Variants in RIMS2 observed in about 807,000 individuals in gnomAD.
RIMS2 encodes the protein regulating synaptic membrane exocytosis 2.
A neutral mutation model predicts 174.4 loss-of-function variants in RIMS2; 59 were observed. The observed-to-expected ratio is 0.34, with a 90% CI of 0.27 to 0.42. The LOEUF is 0.42. Ranked by LOEUF, RIMS2 falls within the 10% of genes least tolerant of loss-of-function variation. RIMS2 has a pLI of 1.00. For missense variants in RIMS2, 1,620 were observed against 1,666.3 expected, an observed-to-expected ratio of 0.97 and a Z score of 0.48; for synonymous variants, 606 against 572.5, an observed-to-expected ratio of 1.06 and a Z score of -0.84.
chr8:104,100,970 G>GTATATGT lies in RIMS2; in HGVS notation c.3334+86360_3334+86361insGTTATAT, dbSNP rs1436295221. ...TATAGTATATATGATATATTATATA[G>GTATATGT]TATATATGATATATTATATAGTATA... On this transcript the variant is annotated intron_variant, in intron 19 of 23. Coordinates refer to ENST00000504942, the Ensembl canonical transcript of RIMS2. 4.1e-5 allele frequency among the ~76,000 whole-genome samples: 3 copies of GTATATGT among 72,608 alleles called. No homozygotes were observed. The East Asian group carries it at 1.9e-3, about 46-fold the overall frequency. 47.6% of individuals were successfully genotyped at this position (72,608 alleles called of 152,430 possible).
At chr8:103,692,114 C>A (rs962042903) in intron 1 of RIMS2, among the ~76,000 whole-genome samples, 2 of 152,084 alleles carry the variant, frequency 1.3e-5, no homozygotes, top group African/African-American at 4.8e-5. Flanking sequence ...GACACAAGTA[C>A]CCCTGTGGCC....
intron 3 of RIMS2, among the ~76,000 whole-genome samples, chr8:103,852,127 A>G (rs28538941): frequency 0.012 from 1,766 of 152,102 alleles, 33 homozygotes; most frequent in African/African-American, 0.039. Flanking sequence ...TAGGATTGTG[A>G]TTGCAACTTC....
chr8:104,019,914 G>A (rs2096041427), intron 19 of RIMS2, among the ~76,000 whole-genome samples: 1 of 152,004 alleles, frequency 6.6e-6, no homozygotes, highest in South Asian at 2.1e-4. Context: ...TTAGTTTGGG[G>A]ACTTCAGCAA....
At chr8:103,542,852 A>C (rs34883289) in intron 1 of RIMS2, among the ~76,000 whole-genome samples, 27,680 of 152,178 alleles carry the variant, frequency 0.18, 2,760 homozygotes, top group African/African-American at 0.26. Flanking sequence ...CTAAAAAGTT[A>C]GGTAGAGAAA....
intron 1 of RIMS2, among the ~76,000 whole-genome samples, chr8:103,622,595 G>C (rs1161294499): frequency 6.6e-6 from 1 of 152,106 alleles, no homozygotes; most frequent in African/African-American, 2.4e-5. Context: ...CATAGATTCA[G>C]CAATCTCATA....
chr8:103,874,681 A>C (rs1024942230), intron 3 of RIMS2, among the ~76,000 whole-genome samples: 2 of 152,094 alleles, frequency 1.3e-5, no homozygotes, highest in African/African-American at 4.8e-5. Flanking sequence ...GGAGGAATTT[A>C]TGTTAAAAAC....
At chr8:103,709,953 T>A (rs2097283774) in intron 2 of RIMS2, among the ~76,000 whole-genome samples, 1 of 152,188 alleles carries the variant, frequency 6.6e-6, no homozygotes, top group African/African-American at 2.4e-5. Flanking sequence ...AAGACATCCC[T>A]GGATTTCTTT....
intron 19 of RIMS2, among the ~76,000 whole-genome samples, chr8:104,072,234 A>G (rs2097208831): frequency 6.6e-6 from 1 of 152,162 alleles, no homozygotes; most frequent in Admixed American, 6.5e-5. Context: ...TATATATATT[A>G]AGTTACATTA....
intron 5 of RIMS2, among the ~76,000 whole-genome samples, chr8:103,911,666 T>G (rs2075693599): frequency 6.6e-6 from 1 of 152,230 alleles, no homozygotes; most frequent in African/African-American, 2.4e-5. Flanking sequence ...CATTTTTAAA[T>G]GAATTCACTT....
chr8:103,911,964 C>A, intron 5 of RIMS2, 89 bp from the exon 9 acceptor site: 3 of 1,016,792 alleles, frequency 3.0e-6, no homozygotes, highest in South Asian at 1.9e-5. Flanking sequence ...AGAGGTCGTA[C>A]AATCAGAGAT....
intron 19 of RIMS2, among the ~76,000 whole-genome samples, chr8:104,210,726 A>G (rs2099101561): frequency 1.3e-5 from 2 of 152,212 alleles, no homozygotes. Context: ...TGACTTTTGC[A>G]CAGTGGCAGG....
intron 3 of RIMS2, among the ~76,000 whole-genome samples, chr8:103,801,365 A>G (rs1021432726): frequency 2.6e-5 from 4 of 152,226 alleles, no homozygotes; most frequent in African/African-American, 7.2e-5. Flanking sequence ...ATCCTTGAGC[A>G]TATGGATATT....
intron 3 of RIMS2, among the ~76,000 whole-genome samples, chr8:103,787,199 C>T (rs2098452243): frequency 6.7e-6 from 1 of 149,152 alleles, no homozygotes; most frequent in African/African-American, 2.5e-5. Context: ...GAATACAGCA[C>T]ACTGATGGGT....
rs1275010003 is a variant in RIMS2, at chr8:103,738,392, T to C, written c.388-27835T>C. On this transcript the variant is annotated intron_variant, in intron 2 of 23. Transcript: ENST00000504942. ...ATACGAAAATTAATTCAAGATGGAT[T>C]AAAGATTTAATTGTTAGACCTAAAA... Among the ~76,000 whole-genome samples, 5 of 152,128 alleles carry C rather than the reference T, an allele frequency of 3.3e-5. 1 individual carries two copies. The South Asian group carries it at 8.3e-4, about 25-fold the overall frequency.
chr8:103,581,863 C>A (rs1244781670), intron 1 of RIMS2, among the ~76,000 whole-genome samples: 1 of 152,146 alleles, frequency 6.6e-6, no homozygotes, highest in African/African-American at 2.4e-5. Flanking sequence ...ATAAGGACTG[C>A]AACTCTAAGG....
At chr8:104,018,781 A>AT (rs2095999338) in intron 19 of RIMS2, among the ~76,000 whole-genome samples, 1 of 152,104 alleles carries the variant, frequency 6.6e-6, no homozygotes, top group South Asian at 2.1e-4. Context: ...GACCATGATC[A>AT]TTTTTTCCAT....
intron 1 of RIMS2, among the ~76,000 whole-genome samples, chr8:103,634,005 G>A (rs945377390): frequency 6.6e-6 from 1 of 152,034 alleles, no homozygotes; most frequent in African/African-American, 2.4e-5. Flanking sequence ...AATTTTTCGT[G>A]TCTTGATTTC....
chr8:103,758,222 A>G (rs1278257871), intron 2 of RIMS2, among the ~76,000 whole-genome samples: 2 of 152,006 alleles, frequency 1.3e-5, no homozygotes, highest in African/African-American at 4.8e-5. Context: ...TTCCTTATTA[A>G]TAATTTCATG....
chr8:103,691,534 C>T (rs529636713), intron 1 of RIMS2, among the ~76,000 whole-genome samples: 224 of 152,242 alleles, frequency 1.5e-3, no homozygotes, highest in African/African-American at 5.2e-3. Context: ...GATTCTTTTA[C>T]GTTATTTCAA....
Sources: gnomAD v4.1 joint callset for allele counts (sites outside exome capture counted in the v4.1 genomes callset) on GRCh38, gnomAD v4.1.1 for gene constraint, MANE v1.5 for transcripts, NCBI Gene and HGNC (gene_info 2026-07-23, HGNC 2026-07-21) for gene names.